CCDC91: variants seen among roughly 807,000 people sequenced by gnomAD.
CCDC91 encodes coiled-coil domain containing 91.
Under a neutral mutation model 63.2 loss-of-function variants are expected in CCDC91, and 48 were observed. That is an observed-to-expected ratio of 0.76 (90% confidence interval 0.60 to 0.97). CCDC91 has a LOEUF of 0.97. Among genes scored for constraint, CCDC91 ranks in the 50% least tolerant of loss-of-function variants. The pLI is 0.00. For synonymous variants in CCDC91, 167 were observed against 165.8 expected (o/e 1.01, Z -0.06); for missense variants, 500 against 494.6 (o/e 1.01, Z -0.10).
intron 7 of CCDC91, among the ~76,000 whole-genome samples, chr12:28,378,159 A>T (rs1396303167): frequency 1.3e-5 from 2 of 152,058 alleles, no homozygotes; most frequent in Non-Finnish European, 2.9e-5. Context: ...TGTGATGAAA[A>T]TTCTCAGTAT....
At chr12:28,538,671 G>A (rs1430800566) in intron 12 of CCDC91, among the ~76,000 whole-genome samples, 4 of 152,118 alleles carry the variant, frequency 2.6e-5, no homozygotes. Context: ...AGATCCCTGA[G>A]GAATTGCCAC....
intron 12 of CCDC91, among the ~76,000 whole-genome samples, chr12:28,510,197 G>T (rs1296063780): frequency 7.3e-6 from 1 of 136,816 alleles, no homozygotes; most frequent in African/African-American, 2.5e-5. Flanking sequence ...AAAAATAGTT[G>T]GTATATTAGG....
intron 6 of CCDC91, among the ~76,000 whole-genome samples, chr12:28,319,962 C>T (rs1940312067): frequency 1.3e-5 from 2 of 151,808 alleles, no homozygotes; most frequent in African/African-American, 4.8e-5. Flanking sequence ...AATTTTTACT[C>T]ATTTATTATT....
At chr12:28,548,016 A>G (rs916301775) in intron 12 of CCDC91, among the ~76,000 whole-genome samples, 10 of 152,034 alleles carry the variant, frequency 6.6e-5, no homozygotes, top group African/African-American at 2.2e-4. Flanking sequence ...GTGTTTGCCT[A>G]GTTTTGTTAT....
At chr12:28,450,777 A>G (rs2140334709) in intron 10 of CCDC91, among the ~76,000 whole-genome samples, 1 of 151,888 alleles carries the variant, frequency 6.6e-6, no homozygotes, top group South Asian at 2.1e-4. Context: ...TAACTCATCT[A>G]AATCATGTAT....
chr12:28,400,214 A>G (rs1445995021), intron 8 of CCDC91, among the ~76,000 whole-genome samples: 1 of 152,086 alleles, frequency 6.6e-6, no homozygotes, highest in Non-Finnish European at 1.5e-5. Flanking sequence ...CATGCTCAAT[A>G]CCACATGCCA....
intron 7 of CCDC91, among the ~76,000 whole-genome samples, chr12:28,378,055 G>A (rs1945057476): frequency 6.6e-6 from 1 of 151,914 alleles, no homozygotes; most frequent in African/African-American, 2.4e-5. Context: ...TAGGTACAAT[G>A]AAGTTTTAAC....
At chr12:28,242,137 A>C (rs1223365826) in intron 1 of CCDC91, among the ~76,000 whole-genome samples, 1 of 152,122 alleles carries the variant, frequency 6.6e-6, no homozygotes, top group Non-Finnish European at 1.5e-5. Context: ...GAGGTCTCTC[A>C]AGTGGCTGTA....
intron 1 of CCDC91, among the ~76,000 whole-genome samples, chr12:28,216,016 TAGC>T (rs1217881269): frequency 2.0e-5 from 3 of 152,196 alleles, no homozygotes; most frequent in Non-Finnish European, 4.4e-5. Context: ...AACCCATCAA[TAGC>T]AATACTTAGT....
intron 3 of CCDC91, among the ~76,000 whole-genome samples, chr12:28,268,020 TTTAA>T (rs1488940637): frequency 2.3e-5 from 3 of 131,172 alleles, no homozygotes; most frequent in South Asian, 2.2e-4. Flanking sequence ...TGATTAATAA[TTTAA>T]TTATTAATTA....
intron 6 of CCDC91, among the ~76,000 whole-genome samples, chr12:28,312,060 G>A (rs529766398): frequency 3.9e-5 from 6 of 152,132 alleles, no homozygotes; most frequent in African/African-American, 1.2e-4. Context: ...ATAGGGAGAA[G>A]TGTGTCTTTT....
Position 28,305,725 on chromosome 12 carries a change from C to T in CCDC91, c.186C>T (p.Leu62=). ...DRDHSSSIGC[L]SSDAIISSPE... Reference sequence around the variant, plus strand: ...ACCACTCTTCTTCCATTGGCTGCCTCTCTTCTGATGCCATTATTTCATCAC... The same window carrying T: ...ACCACTCTTCTTCCATTGGCTGCCTTTCTTCTGATGCCATTATTTCATCAC... Residue 62 remains leucine (L), a synonymous_variant, in exon 4 of 13, where the codon CTC becomes CTT. Coordinates refer to ENST00000536442, the MANE Select transcript of CCDC91 (RefSeq NM_018318.5). The T allele has an allele frequency of 6.2e-7, 1 of 1,613,208 alleles. No homozygotes were observed. Among genetic ancestry groups the T allele is most frequent in the Non-Finnish European group, 8.5e-7 (1 of 1,179,400 alleles).
chr12:28,323,582 C>T (rs563729816), intron 6 of CCDC91, among the ~76,000 whole-genome samples: 14 of 151,944 alleles, frequency 9.2e-5, no homozygotes, highest in African/African-American at 2.4e-4. Context: ...CTTAACTATT[C>T]TTGCCTGTTA....
intron 2 of CCDC91, among the ~76,000 whole-genome samples, chr12:28,258,788 C>G (rs1946624202): frequency 6.6e-6 from 1 of 151,966 alleles, no homozygotes; most frequent in Admixed American, 6.6e-5. Context: ...AGACAGAAAA[C>G]TCTGTGCTCT....
intron 7 of CCDC91, among the ~76,000 whole-genome samples, chr12:28,379,278 C>A (rs1945134194): frequency 6.6e-6 from 1 of 151,806 alleles, no homozygotes; most frequent in Admixed American, 6.6e-5. Context: ...AAAGCAATGG[C>A]AACAAAACCA....
At chr12:28,471,578 G>A (rs971117931) in intron 11 of CCDC91, among the ~76,000 whole-genome samples, 1 of 152,138 alleles carries the variant, frequency 6.6e-6, no homozygotes, top group Non-Finnish European at 1.5e-5. Flanking sequence ...AACCAGTCCA[G>A]TTTGGAGATA....
At chr12:28,452,697 T>G in intron 11 of CCDC91, 43 bp downstream of exon 11, 1 of 1,141,370 alleles carries the variant, frequency 8.8e-7, no homozygotes, top group Non-Finnish European at 1.2e-6. Flanking sequence ...TTTTTTCTCA[T>G]TTTTCTCAAA....
At chr12:28,541,500 TAC>T (rs1942627454) in intron 12 of CCDC91, among the ~76,000 whole-genome samples, 1 of 152,156 alleles carries the variant, frequency 6.6e-6, no homozygotes, top group African/African-American at 2.4e-5. Flanking sequence ...AAAGGAAGGA[TAC>T]ATAGTAATTG....
At chr12:28,380,573 T>G (rs187742551) in intron 7 of CCDC91, among the ~76,000 whole-genome samples, 64 of 152,242 alleles carry the variant, frequency 4.2e-4, no homozygotes, top group African/African-American at 1.4e-3. Context: ...CATTAGTTTC[T>G]TCCAAGGGCC....
Sources: gnomAD v4.1 joint callset for allele counts (sites outside exome capture counted in the v4.1 genomes callset) on GRCh38, gnomAD v4.1.1 for gene constraint, MANE v1.5 for transcripts, NCBI Gene and HGNC (gene_info 2026-07-23, HGNC 2026-07-21) for gene names.